Variants in CCDC178 observed in about 807,000 individuals in gnomAD.
The protein encoded by CCDC178 is coiled-coil domain-containing protein 178.
CCDC178 carries 126 observed loss-of-function variants against 117.4 expected under a neutral mutation model. The ratio of observed to expected loss-of-function variants is 1.07; its 90% CI spans 0.93 to 1.24. CCDC178 has a LOEUF of 1.24. Ranked by LOEUF, CCDC178 falls within the 50% of genes most tolerant of loss-of-function variation. The probability of loss-of-function intolerance (pLI) is 0.00; values close to 1 mark genes in which losing one functional copy is unlikely to be tolerated. For synonymous variants in CCDC178, 283 were observed against 313.4 expected (o/e 0.90, Z 1.02); for missense variants, 1,030 against 986.9 (o/e 1.04, Z -0.59).
At chr18:32,995,086 T>C (rs906292215) in intron 21 of CCDC178, among the ~76,000 whole-genome samples, 2 of 152,232 alleles carry the variant, frequency 1.3e-5, no homozygotes, top group Non-Finnish European at 2.9e-5. Flanking sequence ...TCAGCCATTG[T>C]GTAATGGAAT....
At chr18:33,364,560 C>T (rs907369310) in intron 6 of CCDC178, among the ~76,000 whole-genome samples, 5 of 151,750 alleles carry the variant, frequency 3.3e-5, no homozygotes, top group African/African-American at 4.8e-5. Flanking sequence ...TTTTTAAAGA[C>T]AGAATGCTGA....
At chr18:33,044,144 T>C (rs549352044) in intron 21 of CCDC178, among the ~76,000 whole-genome samples, 61 of 151,914 alleles carry the variant, frequency 4.0e-4, no homozygotes, top group Middle Eastern at 3.4e-3. Flanking sequence ...CTCTCCAAGT[T>C]TAAATTTCCT....
chr18:33,104,918 A>G (rs902928295), intron 20 of CCDC178, among the ~76,000 whole-genome samples: 3 of 151,706 alleles, frequency 2.0e-5, no homozygotes, highest in African/African-American at 7.2e-5. Context: ...CATTGTAATA[A>G]GTTTCCATTA....
At chr18:33,076,711 T>C (rs573070839) in intron 21 of CCDC178, among the ~76,000 whole-genome samples, 1 of 152,342 alleles carries the variant, frequency 6.6e-6, no homozygotes, top group South Asian at 2.1e-4. Context: ...GAGGCGGTAG[T>C]GCATCTAACC....
chr18:33,302,297 C>A (rs575725121), intron 11 of CCDC178, among the ~76,000 whole-genome samples: 5 of 152,254 alleles, frequency 3.3e-5, no homozygotes, highest in Admixed American at 6.5e-5. Flanking sequence ...AACTTATTTT[C>A]TTTATAAATT....
chr18:33,302,037 G>A lies in CCDC178; in HGVS notation c.1023-8725C>T, dbSNP rs116276740. ...GCTGGGAGGTGTTTTGGTCATGGGAGTGGATCCTTCATGAATGGCTTTGTG... is the reference window on the plus strand; with the variant it reads ...GCTGGGAGGTGTTTTGGTCATGGGAATGGATCCTTCATGAATGGCTTTGTG... On this transcript the variant is annotated intron_variant, in intron 11 of 22. Coordinates refer to ENST00000383096, the MANE Select transcript of CCDC178 (RefSeq NM_001105528.4). Among the ~76,000 whole-genome samples, 473 of 152,300 alleles carry A rather than the reference G, an allele frequency of 3.1e-3. 6 individuals carry two copies. The highest frequency in any genetic ancestry group is 0.011 in the African/African-American group (456 of 41,560).
chr18:33,415,340 G>T (rs1002270368), intron 2 of CCDC178, among the ~76,000 whole-genome samples: 24 of 152,104 alleles, frequency 1.6e-4, no homozygotes, highest in African/African-American at 5.8e-4. Context: ...AGAAAATGTG[G>T]CACATATACA....
chr18:33,108,822 G>A lies in CCDC178; in HGVS notation c.2239-15912C>T, dbSNP rs1475390344. ...AAAAGTGTGTACTTTGATAACTTCT[G>A]TTTGAACTAGTAAGAATTCAAGCTA... is the stretch of plus-strand genomic sequence containing the variant. On this transcript the variant is annotated intron_variant, in intron 20 of 22. Coordinates refer to ENST00000383096, the MANE Select transcript of CCDC178 (RefSeq NM_001105528.4). Among the ~76,000 whole-genome samples, 4 of 151,582 alleles carry A rather than the reference G, an allele frequency of 2.6e-5. No homozygotes were observed. In the Admixed American group the frequency reaches 2.6e-4, roughly 10 times the overall value.
chr18:32,976,971 C>T (rs567626742), intron 21 of CCDC178, among the ~76,000 whole-genome samples: 20 of 152,106 alleles, frequency 1.3e-4, no homozygotes, highest in Admixed American at 7.9e-4. Flanking sequence ...TGATGCTTAA[C>T]TATAAATTGT....
intron 15 of CCDC178, among the ~76,000 whole-genome samples, chr18:33,227,556 GTATATATATATATA>G (rs145380258): frequency 4.5e-5 from 5 of 110,934 alleles, no homozygotes; most frequent in Admixed American, 9.7e-5. Context: ...GTGTGTGTGT[GTATATATATATATA>G]TATATATATA....
At chr18:33,260,738 C>CA (rs1199436073) in intron 14 of CCDC178, among the ~76,000 whole-genome samples, 1 of 151,440 alleles carries the variant, frequency 6.6e-6, no homozygotes, top group African/African-American at 2.4e-5. Flanking sequence ...AACTATGTTC[C>CA]AAAAAAATAG....
At chr18:33,440,872 G>GC (rs982959451), upstream of CCDC178, 13 of 152,854 alleles carry the variant, frequency 8.5e-5, no homozygotes, top group Non-Finnish European at 1.7e-4. Context: ...GCTCCAGGCC[G>GC]CCCCCGCTCC....
intron 21 of CCDC178, among the ~76,000 whole-genome samples, chr18:32,989,212 T>C (rs1373805872): frequency 6.6e-6 from 1 of 152,214 alleles, no homozygotes; most frequent in African/African-American, 2.4e-5. Context: ...GCAAAATATA[T>C]GTGGCAAGTA....
intron 5 of CCDC178, among the ~76,000 whole-genome samples, chr18:33,383,604 G>A (rs1239612343): frequency 6.6e-6 from 1 of 152,074 alleles, no homozygotes; most frequent in Admixed American, 6.6e-5. Flanking sequence ...GCAAACTGCA[G>A]CAGACCTGCA....
chr18:33,097,033 G>T (rs1362981544), intron 20 of CCDC178, among the ~76,000 whole-genome samples: 3 of 152,066 alleles, frequency 2.0e-5, no homozygotes, highest in Non-Finnish European at 4.4e-5. Flanking sequence ...TTTCAGTCTC[G>T]ATGTTTTTTC....
intron 20 of CCDC178, among the ~76,000 whole-genome samples, chr18:33,102,457 TTCCTTG>T (rs2145104997): frequency 6.6e-6 from 1 of 151,660 alleles, no homozygotes; most frequent in African/African-American, 2.4e-5. Context: ...CCTCAGTCTT[TTCCTTG>T]GAGATTCAGG....
At chr18:33,146,906 C>T (rs1170194385) in intron 20 of CCDC178, among the ~76,000 whole-genome samples, 2 of 152,134 alleles carry the variant, frequency 1.3e-5, no homozygotes, top group African/African-American at 4.8e-5. Flanking sequence ...TGAAAAAATA[C>T]CCGTAAAGTT....
chr18:33,220,427 T>G (rs2059217582), intron 18 of CCDC178, among the ~76,000 whole-genome samples: 1 of 152,048 alleles, frequency 6.6e-6, no homozygotes, highest in Non-Finnish European at 1.5e-5. Flanking sequence ...CTCCAAAGCC[T>G]TTACTATTTT....
Position 33,092,912 on chromosome 18 carries a change from T to C in CCDC178, c.2239-2A>G, listed in dbSNP as rs750492338. ...TTCAAGTGAATCAGCTATTATTTTC[T>C]AGAAGGTAAAAAAATATAATTGAAT... On this transcript the variant is annotated splice_acceptor_variant, in intron 20 of 22. Transcript: ENST00000383096. LOFTEE classifies it high-confidence loss of function. The C allele has an allele frequency of 2.6e-6, 4 of 1,526,250 alleles. No homozygotes were observed. Among genetic ancestry groups the C allele is most frequent in the East Asian group, 2.3e-5 (1 of 43,628 alleles). The allele number at this position is 1,526,250 out of a possible 1,614,324, so 94.5% of individuals were successfully genotyped here. A position where few individuals can be genotyped will look rare whatever the true frequency, so the allele number is the denominator to read the frequency against.
Sources: allele counts gnomAD v4.1 joint callset (sites outside exome capture counted in the v4.1 genomes callset), GRCh38; gene constraint gnomAD v4.1.1; transcripts MANE v1.5; gene names NCBI Gene and HGNC (gene_info 2026-07-23, HGNC 2026-07-21).